CNTN4: variants seen among roughly 807,000 people sequenced by gnomAD.
CNTN4 encodes the protein contactin 4.
CNTN4 carries 77 observed loss-of-function variants against 122.5 expected under a neutral mutation model. That is an observed-to-expected ratio of 0.63 (90% CI 0.52 to 0.76). The LOEUF (loss-of-function observed/expected upper bound fraction) is 0.76. Ranked by LOEUF, CNTN4 falls within the 30% of genes least tolerant of loss-of-function variation. The pLI, the probability that CNTN4 is intolerant of heterozygous loss-of-function variation, is 0.00. For synonymous variants in CNTN4, 512 were observed against 447.0 expected (o/e 1.15, Z -1.83); for missense variants, 1,256 against 1,259.1 (o/e 1.00, Z 0.04).
intron 4 of CNTN4, among the ~76,000 whole-genome samples, chr3:2,664,887 A>G (rs17018270): frequency 0.22 from 33,995 of 152,088 alleles, 4,030 homozygotes; most frequent in Admixed American, 0.36. Context: ...CCTTTCCACG[A>G]CATTTGATTT....
intron 2 of CNTN4, among the ~76,000 whole-genome samples, chr3:2,243,413 A>G (rs2149626599): frequency 6.6e-6 from 1 of 152,266 alleles, no homozygotes; most frequent in African/African-American, 2.4e-5. Context: ...GGGCTGTATT[A>G]AAGGATTAAA....
At chr3:2,771,353 A>G (rs2091091911) in intron 6 of CNTN4, among the ~76,000 whole-genome samples, 1 of 152,204 alleles carries the variant, frequency 6.6e-6, no homozygotes, top group Non-Finnish European at 1.5e-5. Flanking sequence ...AAACTGAAAA[A>G]TAAAAGAGAT....
At chr3:2,714,265 G>C (rs918726514) in intron 4 of CNTN4, among the ~76,000 whole-genome samples, 7 of 152,162 alleles carry the variant, frequency 4.6e-5, no homozygotes, top group African/African-American at 1.4e-4. Flanking sequence ...GACTCAGAGT[G>C]TAAGTAATGG....
chr3:2,901,660 T>C (rs1230851297), intron 11 of CNTN4, among the ~76,000 whole-genome samples: 1 of 152,212 alleles, frequency 6.6e-6, no homozygotes, highest in Admixed American at 6.5e-5. Context: ...TGTTGCTTGC[T>C]GTGCAGAGAG....
At chr3:2,402,858 G>A (rs886548645) in intron 3 of CNTN4, among the ~76,000 whole-genome samples, 3 of 152,142 alleles carry the variant, frequency 2.0e-5, no homozygotes, top group Middle Eastern at 3.4e-3. Context: ...TATACCTTAC[G>A]CAGTACAAAT....
At chr3:2,778,010 C>T (rs909594463) in intron 6 of CNTN4, among the ~76,000 whole-genome samples, 4 of 151,552 alleles carry the variant, frequency 2.6e-5, no homozygotes, top group East Asian at 1.9e-4. Context: ...GTCAGGAGAT[C>T]GAGGCCATCC....
intron 3 of CNTN4, among the ~76,000 whole-genome samples, chr3:2,393,805 A>G (rs997204477): frequency 6.6e-6 from 1 of 152,068 alleles, no homozygotes; most frequent in Non-Finnish European, 1.5e-5. Context: ...AAATAATATA[A>G]TGACCAGTAT....
chr3:2,226,480 G>T (rs2039288015), intron 2 of CNTN4, among the ~76,000 whole-genome samples: 1 of 152,132 alleles, frequency 6.6e-6, no homozygotes, highest in South Asian at 2.1e-4. Flanking sequence ...TTACTATGGG[G>T]AAGTCAAATC....
intron 2 of CNTN4, among the ~76,000 whole-genome samples, chr3:2,204,114 T>G (rs961044117): frequency 7.9e-4 from 120 of 152,310 alleles, no homozygotes; most frequent in African/African-American, 2.8e-3. Flanking sequence ...ATCTGAGTTT[T>G]TATATTCATT....
chr3:2,291,455 C>G (rs1387870887), intron 2 of CNTN4, among the ~76,000 whole-genome samples: 1 of 152,046 alleles, frequency 6.6e-6, no homozygotes, highest in African/African-American at 2.4e-5. Flanking sequence ...TCCTCTCCCC[C>G]TTTAGATATT....
chr3:2,740,682 A>G (rs4685546), intron 5 of CNTN4, among the ~76,000 whole-genome samples: 34,024 of 152,022 alleles, frequency 0.22, 3,992 homozygotes, highest in East Asian at 0.32. Context: ...ACTATCTAAT[A>G]TTATGTAAAA....
intron 2 of CNTN4, among the ~76,000 whole-genome samples, chr3:2,219,026 A>G (rs1417527653): frequency 6.6e-6 from 1 of 152,198 alleles, no homozygotes; most frequent in Non-Finnish European, 1.5e-5. Context: ...GCTTCCCCCT[A>G]GGATTACAAA....
intron 3 of CNTN4, among the ~76,000 whole-genome samples, chr3:2,558,445 A>G (rs1464419592): frequency 6.6e-6 from 1 of 152,122 alleles, no homozygotes; most frequent in Non-Finnish European, 1.5e-5. Flanking sequence ...ATCTTGTTGT[A>G]GAATATTACT....
intron 14 of CNTN4, among the ~76,000 whole-genome samples, chr3:2,990,521 A>C (rs2125303775): frequency 6.6e-6 from 1 of 152,282 alleles, no homozygotes; most frequent in South Asian, 2.1e-4. Context: ...CATCCTTCTT[A>C]TAAGTATTGG....
At chr3:2,475,656 C>T (rs1003608542) in intron 3 of CNTN4, among the ~76,000 whole-genome samples, 14 of 152,126 alleles carry the variant, frequency 9.2e-5, no homozygotes, top group Non-Finnish European at 1.8e-4. Context: ...TGTTTAATTG[C>T]CATGATTTAA....
intron 4 of CNTN4, among the ~76,000 whole-genome samples, chr3:2,655,354 T>C (rs537129894): frequency 6.6e-6 from 1 of 152,322 alleles, no homozygotes; most frequent in South Asian, 2.1e-4. Flanking sequence ...CTTTCTATTT[T>C]TAACATTTTT....
intron 4 of CNTN4, among the ~76,000 whole-genome samples, chr3:2,575,067 G>T (rs734246): frequency 0.21 from 32,388 of 151,922 alleles, 3,678 homozygotes; most frequent in African/African-American, 0.23. Context: ...AAGAGAAGAA[G>T]TCTAATATTT....
At chr3:2,670,530 A>T (rs928072561) in intron 4 of CNTN4, among the ~76,000 whole-genome samples, 1 of 150,678 alleles carries the variant, frequency 6.6e-6, no homozygotes, top group African/African-American at 2.4e-5. Flanking sequence ...ACACTGATGG[A>T]TCTTGACTCT....
intron 4 of CNTN4, chr3:2,629,685 A>G: frequency 2.9e-6 from 1 of 340,970 alleles, no homozygotes; most frequent in Non-Finnish European, 5.8e-6. Context: ...TTCCTGATAC[A>G]TCTCTCTAGC....
Sources: gnomAD v4.1 joint callset for allele counts (sites outside exome capture counted in the v4.1 genomes callset) on GRCh38, gnomAD v4.1.1 for gene constraint, MANE v1.5 for transcripts, NCBI Gene and HGNC (gene_info 2026-07-23, HGNC 2026-07-21) for gene names.